RBSN: variants seen among roughly 807,000 people sequenced by gnomAD.
RBSN encodes the protein rabenosyn, RAB effector.
RBSN carries 34 observed loss-of-function variants against 60.5 expected under a neutral mutation model. The observed-to-expected ratio is 0.56, with a 90% CI of 0.43 to 0.75. The LOEUF is 0.75. Ranked by LOEUF, RBSN falls within the 30% of genes least tolerant of loss-of-function variation. RBSN has a pLI of 0.00. For missense variants in RBSN, 845 were observed against 986.8 expected (o/e 0.86, Z 1.92); for synonymous variants, 322 against 366.9 (o/e 0.88, Z 1.40).
At chr3:15,097,367 T>A (rs1239754129) in intron 2 of RBSN, among the ~76,000 whole-genome samples, 2 of 151,916 alleles carry the variant, frequency 1.3e-5, no homozygotes, top group Non-Finnish European at 2.9e-5. Context: ...ATACAAAAAT[T>A]TGCCGGGTGT....
At position 15,086,061 on chromosome 3, in the gene RBSN, T is replaced by C. The variant is rs1575099507; in HGVS notation, c.290-100A>G. Reference sequence around the variant, plus strand: ...ATCCCAGTGAATTTCAAAAGCAGGTTGGTCAACATAGCGAGACCCCGTCTC... The same window carrying C: ...ATCCCAGTGAATTTCAAAAGCAGGTCGGTCAACATAGCGAGACCCCGTCTC... On this transcript the variant is annotated intron_variant, in intron 5 of 13. Coordinates refer to ENST00000253699, the MANE Select transcript of RBSN (RefSeq NM_022340.4). 1.9e-5 allele frequency: 13 copies of C among 686,188 alleles called. No homozygotes were observed. The South Asian group carries it at 2.5e-4, about 13-fold the overall frequency. 42.5% of individuals were successfully genotyped at this position (686,188 alleles called of 1,614,324 possible). A position where few individuals can be genotyped will look rare whatever the true frequency, so the allele number is the denominator to read the frequency against.
chr3:15,075,154 G>A lies in RBSN; in HGVS notation c.1207-224C>T. The A allele has an allele frequency of 4.9e-6, 3 of 610,084 alleles. No individual in the cohort carries two copies. The South Asian group carries it at 6.2e-5, about 13-fold the overall frequency. 37.8% of individuals were successfully genotyped at this position (610,084 alleles called of 1,614,324 possible). On this transcript the variant is annotated intron_variant, in intron 13 of 13. Transcript: ENST00000253699. Reference sequence around the variant, plus strand: ...AATAAAATATAATGAATAAGTTAGGGCATCAGATTTTCTCAATCTTAGATT... The same window carrying A: ...AATAAAATATAATGAATAAGTTAGGACATCAGATTTTCTCAATCTTAGATT...
At chr3:15,083,297 G>A (rs1397789530) in intron 8 of RBSN, among the ~76,000 whole-genome samples, 1 of 152,204 alleles carries the variant, frequency 6.6e-6, no homozygotes. Context: ...TCAAGGTACA[G>A]TGACCTGGTA....
chr3:15,095,223 C>T (rs1373661769), intron 4 of RBSN, among the ~76,000 whole-genome samples: 3 of 151,660 alleles, frequency 2.0e-5, no homozygotes, highest in Non-Finnish European at 4.4e-5. Context: ...GGGGTTTCGC[C>T]ATGTTGCCCA....
At chr3:15,080,695 C>A in intron 10 of RBSN, 37 bp downstream of exon 10, 1 of 1,592,332 alleles carries the variant, frequency 6.3e-7, no homozygotes, top group South Asian at 1.1e-5. Flanking sequence ...AGAAAACAGT[C>A]ACCACTGGAT....
In RBSN at chr3:15,090,479, C is replaced by T. The variant is rs575992754; in HGVS notation, c.209G>A (p.Arg70Gln). The T allele has an allele frequency of 6.2e-6, 10 of 1,614,202 alleles. No individual in the cohort carries two copies. Among genetic ancestry groups the T allele is most frequent in the East Asian group, 2.2e-5 (1 of 44,890 alleles). Reference protein sequence around the residue: ...DRLLKREGDDRAESGTQGYES... With the variant: ...DRLLKREGDDQAESGTQGYES... ...ATATCCTTGGGTCCCTGACTCTGCT[C>T]GATCATCCCCTTCTCGTTTCAACAA... The change falls in exon 5 of 14, where the codon CGA becomes CAA. Residue 70 changes from arginine (R) to glutamine (Q), a missense_variant. Physicochemically the swap from Arg to Gln is conservative, Grantham distance 43. Coordinates refer to ENST00000253699, the MANE Select transcript of RBSN (RefSeq NM_022340.4).
intron 5 of RBSN, among the ~76,000 whole-genome samples, chr3:15,090,074 C>G (rs2043470044): frequency 6.6e-6 from 1 of 152,182 alleles, no homozygotes; most frequent in Admixed American, 6.5e-5. Flanking sequence ...TTAATGGACT[C>G]TATGCCTGGG....
intron 4 of RBSN, among the ~76,000 whole-genome samples, chr3:15,094,912 C>T (rs138919257): frequency 1.8e-4 from 27 of 152,258 alleles, no homozygotes; most frequent in Non-Finnish European, 3.5e-4. Context: ...ATACAACATC[C>T]AGAACTCTTT....
chr3:15,085,904 T>C lies in RBSN; in HGVS notation c.347A>G (p.His116Arg), dbSNP rs921078459. The C allele has an allele frequency of 1.9e-6, 3 of 1,613,926 alleles. No individual in the cohort carries two copies. The African/African-American group carries it at 4.0e-5, about 22-fold the overall frequency. The change falls in exon 6 of 14, where the codon CAC (histidine) becomes CGC (arginine). Residue 116 changes from histidine to arginine, a missense_variant. His to Arg is a conservative substitution (Grantham distance 29). Transcript: ENST00000253699. ...TAGTTTATTGACTTCCACAACATAGTGGTCAATTCTAGCAGCTCGGTGTTT... is the reference window on the plus strand; with the variant it reads ...TAGTTTATTGACTTCCACAACATAGCGGTCAATTCTAGCAGCTCGGTGTTT... ...FKKHRAARID[H>R]YVVEVNKLII...
rs773222142 is a variant in RBSN, at chr3:15,082,351, A to C, written c.840+16T>G. On this transcript the variant is annotated intron_variant, in intron 9 of 13. Transcript: ENST00000253699. This position sits in a 1 kb window ranked among gnomAD's most constrained non-coding sequence, Gnocchi z 4.2. ...TGCCTAAGAAATTAGACCCAAGACC[A>C]GACAGCGCGAATCACCTCGTAGAGC... is the stretch of plus-strand genomic sequence containing the variant. 1.1e-5 allele frequency: 17 copies of C among 1,603,152 alleles called. No individual in the cohort carries two copies. Among genetic ancestry groups the C allele is most frequent in the Non-Finnish European group, 1.4e-5 (16 of 1,170,696 alleles).
At position 15,074,264 on chromosome 3, in the gene RBSN, A is replaced by G. The variant is rs2042990894; in HGVS notation, c.1873T>C (p.Leu625=). ...SMPQQHEGPS[L]NPFDEEDLSS... Reference sequence around the variant, plus strand: ...AGGTCTTCCTCATCAAAGGGGTTTAAGGAGGGCCCCTCATGTTGCTGTGGC... The same window carrying G: ...AGGTCTTCCTCATCAAAGGGGTTTAGGGAGGGCCCCTCATGTTGCTGTGGC... The change falls in exon 14 of 14, where the codon TTA becomes CTA. Residue 625 remains leucine (L), a synonymous_variant. Transcript: ENST00000253699. The surrounding 1 kb of genome is among the most constrained non-coding windows in gnomAD (Gnocchi z 6.4). 6.2e-7 allele frequency: 1 copy of G among 1,612,840 alleles called. No homozygotes were observed. Among genetic ancestry groups the G allele is most frequent in the African/African-American group, 1.3e-5 (1 of 75,026 alleles).
rs566132323 is a variant in RBSN at position 15,070,438 on chromosome 3, A to G, written c.*3344T>C. 10 of 152,682 alleles carry G rather than the reference A, an allele frequency of 6.5e-5. No homozygotes were observed. The highest frequency in any genetic ancestry group is 1.5e-4 in the Non-Finnish European group (10 of 68,056). The allele number at this position is 152,682 out of a possible 1,614,324, so 9.5% of individuals were successfully genotyped here. ...ATGCCTGAATCCCTAAGTCTCTTCCATCTTTTCTCATGATCTGTGTCTAGG... is the reference window on the plus strand; with the variant it reads ...ATGCCTGAATCCCTAAGTCTCTTCCGTCTTTTCTCATGATCTGTGTCTAGG... On this transcript the variant is annotated 3_prime_UTR_variant, in exon 14 of 14. Transcript: ENST00000253699.
chr3:15,074,312 C>T lies in RBSN; in HGVS notation c.1825G>A (p.Glu609Lys). ...GGCATGCTGCTCTGGGGTAAGCGCT[C>T]CTGGCCAACGGCTGGGGGCCCAGAC... Reference protein sequence around the residue: ...VWSGPPAVGQERLPQSSMPQQ... With the variant: ...VWSGPPAVGQKRLPQSSMPQQ... Residue 609 changes from glutamate (E) to lysine (K), a missense_variant, in exon 14 of 14, where the codon GAG becomes AAG. Coordinates refer to ENST00000253699, the MANE Select transcript of RBSN (RefSeq NM_022340.4). The surrounding 1 kb of genome is among the most constrained non-coding windows in gnomAD (Gnocchi z 6.4). 6.2e-7 allele frequency: 1 copy of T among 1,614,118 alleles called. No homozygotes were observed. Among genetic ancestry groups the T allele is most frequent in the Non-Finnish European group, 8.5e-7 (1 of 1,180,028 alleles).
At chr3:15,098,790 G>A (rs977543018) in intron 1 of RBSN, among the ~76,000 whole-genome samples, 1 of 152,152 alleles carries the variant, frequency 6.6e-6, no homozygotes, top group African/African-American at 2.4e-5. Flanking sequence ...AACCGCTCGG[G>A]AGACAAGCAC....
intron 5 of RBSN, among the ~76,000 whole-genome samples, chr3:15,089,749 T>C (rs2043457537): frequency 6.6e-6 from 1 of 151,996 alleles, no homozygotes; most frequent in South Asian, 2.1e-4. Flanking sequence ...CAGCTGGGAC[T>C]ACAGGCGCCC....
At chr3:15,085,750 G>T in intron 6 of RBSN, 111 bp downstream of exon 6, 1 of 871,946 alleles carries the variant, frequency 1.1e-6, no homozygotes, top group Admixed American at 1.9e-5. Flanking sequence ...GTGTTTCTCT[G>T]CCACCATCAG....
At position 15,091,452 on chromosome 3, in the gene RBSN, G is replaced by T. The variant is rs116248371; in HGVS notation, c.149-913C>A. 2.5e-5 allele frequency: 32 copies of T among 1,285,888 alleles called. No homozygotes were observed. In the African/African-American group the frequency reaches 4.9e-4, roughly 20 times the overall value. 79.7% of individuals were successfully genotyped at this position (1,285,888 alleles called of 1,614,324 possible). ...CTGCCCACGCACTTATTGAATGCAT[G>T]TGAGAATACTTGCAAAAAGCTTCAA... is the stretch of plus-strand genomic sequence containing the variant. On this transcript the variant is annotated intron_variant, in intron 4 of 13. Coordinates refer to ENST00000253699, the MANE Select transcript of RBSN (RefSeq NM_022340.4).
chr3:15,086,054 A>C lies in RBSN; in HGVS notation c.290-93T>G, dbSNP rs1348293622. ...GCCTCTTATCCCAGTGAATTTCAAA[A>C]GCAGGTTGGTCAACATAGCGAGACC... On this transcript the variant is annotated intron_variant, in intron 5 of 13. Coordinates refer to ENST00000253699, the MANE Select transcript of RBSN (RefSeq NM_022340.4). The C allele has an allele frequency of 6.9e-6, 6 of 867,530 alleles. No individual in the cohort carries two copies. In the East Asian group the frequency reaches 1.6e-4, roughly 24 times the overall value. 53.7% of individuals were successfully genotyped at this position (867,530 alleles called of 1,614,324 possible).
chr3:15,084,640 T>A lies in RBSN; in HGVS notation c.598+95A>T. The A allele has an allele frequency of 1.4e-6, 2 of 1,439,208 alleles. No individual in the cohort carries two copies. Among genetic ancestry groups the A allele is most frequent in the Non-Finnish European group, 1.9e-6 (2 of 1,069,168 alleles). The allele number at this position is 1,439,208 out of a possible 1,614,324, so 89.2% of individuals were successfully genotyped here. ...ATGAAGATTCCCATGAGCCATTAAT[T>A]TAACAAAAAGGTTCCACGATCCCAG... On this transcript the variant is annotated intron_variant, in intron 8 of 13. Coordinates refer to ENST00000253699, the MANE Select transcript of RBSN (RefSeq NM_022340.4). This position sits in a 1 kb window ranked among gnomAD's most constrained non-coding sequence, Gnocchi z 4.2.
Sources: allele counts gnomAD v4.1 joint callset (sites outside exome capture counted in the v4.1 genomes callset), GRCh38; gene constraint gnomAD v4.1.1; non-coding constraint Gnocchi (gnomAD v3.1); transcripts MANE v1.5; gene names NCBI Gene and HGNC (gene_info 2026-07-23, HGNC 2026-07-21).